Variants in ZNF385D observed in about 807,000 individuals in gnomAD.
The protein encoded by ZNF385D is zinc finger protein 385D, also known as zinc finger protein 659.
ZNF385D carries 15 observed loss-of-function variants against 35.8 expected under a neutral mutation model. The ratio of observed to expected loss-of-function variants is 0.42; its 90% confidence interval spans 0.28 to 0.64. The LOEUF is 0.64. Among genes scored for constraint, ZNF385D ranks in the 30% least tolerant of loss-of-function variants. The pLI is 0.23. For missense variants in ZNF385D, 474 were observed against 494.6 expected (o/e 0.96, Z 0.39); for synonymous variants, 212 against 186.8 (o/e 1.13, Z -1.10).
rs1402316793 is a variant in ZNF385D, at chr3:21,415,896, A to C, written c.*5318T>G. ...GGAAGGATGAGTTTCCATCACTGAG[A>C]AGAGGAAAGAGAAGACCCTCAAATT... On this transcript the variant is annotated 3_prime_UTR_variant, in exon 8 of 8. Transcript: ENST00000281523. 2 of 152,134 alleles carry C rather than the reference A, an allele frequency of 1.3e-5. No homozygotes were observed. The highest frequency in any genetic ancestry group is 4.8e-5 in the African/African-American group (2 of 41,450). The allele number at this position is 152,134 out of a possible 1,614,324, so 9.4% of individuals were successfully genotyped here. A position where few individuals can be genotyped will look rare whatever the true frequency, so the allele number is the denominator to read the frequency against.
chr3:21,708,336 G>C (rs2067981995), intron 1 of ZNF385D, among the ~76,000 whole-genome samples: 1 of 152,160 alleles, frequency 6.6e-6, no homozygotes, highest in African/African-American at 2.4e-5. Flanking sequence ...AATGAGGGTG[G>C]TGTTATTTGC....
intron 3 of ZNF385D, among the ~76,000 whole-genome samples, chr3:22,059,735 C>A (rs779161): frequency 6.6e-6 from 1 of 151,888 alleles, no homozygotes; most frequent in South Asian, 2.1e-4. Flanking sequence ...TGCTGTATCC[C>A]CAGGGCCTAA....
At chr3:22,359,111 C>T (rs1225221084) in intron 2 of ZNF385D, among the ~76,000 whole-genome samples, 8 of 143,804 alleles carry the variant, frequency 5.6e-5, no homozygotes, top group Non-Finnish European at 9.2e-5. Flanking sequence ...AAAAAAAACA[C>T]TTGATAACTA....
intron 2 of ZNF385D, among the ~76,000 whole-genome samples, chr3:21,566,463 T>TAAC (rs1553614013): frequency 6.6e-6 from 1 of 152,116 alleles, no homozygotes; most frequent in Non-Finnish European, 1.5e-5. Flanking sequence ...TTGTCTTTAC[T>TAAC]AACAAAGTAC....
intron 3 of ZNF385D, among the ~76,000 whole-genome samples, chr3:21,845,609 T>A (rs1387276561): frequency 6.6e-6 from 1 of 152,024 alleles, no homozygotes; most frequent in African/African-American, 2.4e-5. Context: ...CTAGAAGGAC[T>A]TTCTTTTTTA....
At chr3:21,590,102 A>G (rs2063925901) in intron 2 of ZNF385D, among the ~76,000 whole-genome samples, 1 of 152,184 alleles carries the variant, frequency 6.6e-6, no homozygotes, top group Non-Finnish European at 1.5e-5. Context: ...CCAGATATCC[A>G]TCTACAGTGG....
chr3:22,185,669 T>A (rs1281567882), intron 2 of ZNF385D, among the ~76,000 whole-genome samples: 2 of 152,198 alleles, frequency 1.3e-5, no homozygotes, highest in African/African-American at 4.8e-5. Flanking sequence ...CGATTCACCA[T>A]CTTGGCCAGG....
chr3:21,793,905 C>T (rs4547720), intron 3 of ZNF385D, among the ~76,000 whole-genome samples: 89,993 of 151,998 alleles, frequency 0.59, 26,755 homozygotes, highest in Non-Finnish European at 0.61. Flanking sequence ...TTCTGCAAAA[C>T]TGTCAAATGA....
intron 3 of ZNF385D, among the ~76,000 whole-genome samples, chr3:21,810,433 T>A (rs1248915317): frequency 6.6e-6 from 1 of 152,068 alleles, no homozygotes; most frequent in Admixed American, 6.5e-5. Flanking sequence ...AATGACTAGT[T>A]GATGGGTGCA....
At position 22,030,275 on chromosome 3, in the gene ZNF385D, A is replaced by ATCC. The variant is rs530933557; in HGVS notation, c.325+138541_325+138542insGGA. On this transcript the variant is annotated intron_variant, in intron 3 of 5. Transcript: ENST00000494108. ...CTCATTCATATATATATATATATATATATATATATATATATATATATATAT... is the reference window on the plus strand; with the variant it reads ...CTCATTCATATATATATATATATATATCCTATATATATATATATATATATATAT... 1.2e-4 allele frequency among the ~76,000 whole-genome samples: 11 copies of ATCC among 91,476 alleles called. 1 individual carries two copies. The highest frequency in any genetic ancestry group is 4.9e-4 in the African/African-American group (11 of 22,440). 60.0% of individuals were successfully genotyped at this position (91,476 alleles called of 152,430 possible). A position where few individuals can be genotyped will look rare whatever the true frequency, so the allele number is the denominator to read the frequency against.
At chr3:21,852,619 T>C (rs947084782) in intron 3 of ZNF385D, among the ~76,000 whole-genome samples, 29 of 152,034 alleles carry the variant, frequency 1.9e-4, no homozygotes, top group African/African-American at 6.5e-4. Context: ...GTAATTACTA[T>C]CCTGAGCATA....
At chr3:21,530,068 G>T (rs1028013600) in intron 3 of ZNF385D, among the ~76,000 whole-genome samples, 2 of 151,964 alleles carry the variant, frequency 1.3e-5, no homozygotes, top group African/African-American at 4.8e-5. Flanking sequence ...GCAAGAGCTG[G>T]TTGTTTAAAG....
chr3:22,282,708 C>T (rs1179517331), intron 2 of ZNF385D, among the ~76,000 whole-genome samples: 2 of 151,412 alleles, frequency 1.3e-5, no homozygotes, highest in Non-Finnish European at 3.0e-5. Flanking sequence ...TAAACAAATC[C>T]TCAAAATATA....
Position 21,993,321 on chromosome 3 carries a change from A to G in ZNF385D, c.325+175496T>C, listed in dbSNP as rs1265330050. On this transcript the variant is annotated intron_variant, in intron 3 of 5. Coordinates refer to the ZNF385D transcript ENST00000494108. ...GATGTTTCCTTGAGTTGTTTTAAAA[A>G]AGTTTCTTATCTTCTCTGATCTCTG... Among the ~76,000 whole-genome samples, 4 of 152,180 alleles carry G rather than the reference A, an allele frequency of 2.6e-5. No individual in the cohort carries two copies. In the East Asian group the frequency reaches 7.7e-4, roughly 29 times the overall value.
At chr3:21,760,365 TTGC>T (rs1342412199) in intron 3 of ZNF385D, among the ~76,000 whole-genome samples, 1 of 152,176 alleles carries the variant, frequency 6.6e-6, no homozygotes, top group Non-Finnish European at 1.5e-5. Flanking sequence ...TTCATTAGTT[TTGC>T]TGCTATATGA....
intron 2 of ZNF385D, among the ~76,000 whole-genome samples, chr3:22,176,971 AATTAT>A (rs1181958226): frequency 2.0e-5 from 3 of 152,290 alleles, no homozygotes; most frequent in South Asian, 2.1e-4. Context: ...ACCAATGAAA[AATTAT>A]ATTATATTAC....
In ZNF385D at chr3:22,313,637, T is replaced by C. The variant is rs1307602571; in HGVS notation, c.106+58813A>G. ...GCTAAGGCAAAGTGATACAAGTGTA[T>C]AATTCATAATAACCCAAAGGTAAAA... is the stretch of plus-strand genomic sequence containing the variant. On this transcript the variant is annotated intron_variant, in intron 2 of 5. Coordinates refer to the ZNF385D transcript ENST00000494108. 2.0e-5 allele frequency among the ~76,000 whole-genome samples: 3 copies of C among 152,104 alleles called. No individual in the cohort carries two copies. In the East Asian group the frequency reaches 5.8e-4, roughly 29 times the overall value.
At chr3:22,192,104 C>G (rs1473221718) in intron 2 of ZNF385D, among the ~76,000 whole-genome samples, 2 of 152,084 alleles carry the variant, frequency 1.3e-5, no homozygotes, top group Non-Finnish European at 2.9e-5. Flanking sequence ...GTGCCCTGTC[C>G]CTAACCTCAG....
intron 3 of ZNF385D, among the ~76,000 whole-genome samples, chr3:21,997,549 T>C (rs1695545171): frequency 6.8e-6 from 1 of 147,052 alleles, no homozygotes; most frequent in Non-Finnish European, 1.5e-5. Context: ...AATGTAACTA[T>C]CTCTGCAGAA....
Sources: gnomAD v4.1 joint callset for allele counts (sites outside exome capture counted in the v4.1 genomes callset) on GRCh38, gnomAD v4.1.1 for gene constraint, MANE v1.5 for transcripts, NCBI Gene and HGNC (gene_info 2026-07-23, HGNC 2026-07-21) for gene names.